Variants in TJP3 observed in about 807,000 individuals in gnomAD.
The protein encoded by TJP3 is tight junction protein 3.
In TJP3, 85 loss-of-function variants were observed where a neutral mutation model predicts 104.2. The ratio of observed to expected loss-of-function variants is 0.82; its 90% CI spans 0.68 to 0.98. The LOEUF is 0.98. Among genes scored for constraint, TJP3 ranks in the 50% least tolerant of loss-of-function variants. The probability of loss-of-function intolerance (pLI) is 0.00; values close to 1 mark genes in which losing one functional copy is unlikely to be tolerated. For synonymous variants in TJP3, 550 were observed against 550.6 expected (o/e 1.00, Z 0.02); for missense variants, 1,367 against 1,322.8 (o/e 1.03, Z -0.52).
At chr19:3,744,236 C>T (rs2036857538) in intron 15 of TJP3, among the ~76,000 whole-genome samples, 1 of 152,202 alleles carries the variant, frequency 6.6e-6, no homozygotes, top group African/African-American at 2.4e-5. Flanking sequence ...TCCTTCTTAA[C>T]ACAGTTCACC....
intron 18 of TJP3, among the ~76,000 whole-genome samples, chr19:3,747,529 C>T (rs935592078): frequency 6.6e-6 from 1 of 152,134 alleles, no homozygotes; most frequent in African/African-American, 2.4e-5. Flanking sequence ...GACTCCTTCT[C>T]ATAAAAAAGA....
At chr19:3,716,231 C>A (rs904303271) in intron 1 of TJP3, among the ~76,000 whole-genome samples, 3 of 147,874 alleles carry the variant, frequency 2.0e-5, no homozygotes, top group Non-Finnish European at 4.6e-5. Context: ...TGTCACTACG[C>A]CCAGCTAATT....
chr19:3,741,829 G>A (rs1165189698), intron 14 of TJP3, among the ~76,000 whole-genome samples: 1 of 150,960 alleles, frequency 6.6e-6, no homozygotes, highest in African/African-American at 2.4e-5. Flanking sequence ...AATTAGCTGG[G>A]CATGGTGGCA....
chr19:3,711,748 A>AAAAAAAAAAAG (rs377487730), intron 1 of TJP3, among the ~76,000 whole-genome samples: 2 of 128,166 alleles, frequency 1.6e-5, no homozygotes, highest in African/African-American at 6.0e-5. Context: ...AAAAAAAAAA[A>AAAAAAAAAAAG]AAAGGTGCTT....
intron 5 of TJP3, among the ~76,000 whole-genome samples, chr19:3,731,459 C>G (rs1225277015): frequency 6.6e-6 from 1 of 151,990 alleles, no homozygotes; most frequent in Admixed American, 6.6e-5. Flanking sequence ...ATGATGAAAC[C>G]CCATCTCTAC....
At chr19:3,718,235 GTGTGTGTGTGTGTGTGTGTGTC>G (rs1248413918) in intron 1 of TJP3, among the ~76,000 whole-genome samples, 1,416 of 129,532 alleles carry the variant, frequency 0.011, 48 homozygotes, top group African/African-American at 0.039. Context: ...GTGTGTGTGT[GTGTGTGTGTGTGTGTGTGTGTC>G]TGTGTGTGTG....
Position 3,746,341 on chromosome 19 carries a change from A to G in TJP3, c.2011-144A>G. ...CCAAGATGCTGCGACCTGGGCTGTT[A>G]CCACCCCCATCCCCAACTTGCTAGC... On this transcript the variant is annotated intron_variant, in intron 16 of 20. Transcript: ENST00000541714. This position sits in a 1 kb window ranked among gnomAD's most constrained non-coding sequence, Gnocchi z 4.1. 2.2e-6 allele frequency: 2 copies of G among 918,436 alleles called. No homozygotes were observed. The highest frequency in any genetic ancestry group is 3.3e-6 in the Non-Finnish European group (2 of 612,632). The allele number at this position is 918,436 out of a possible 1,614,324, so 56.9% of individuals were successfully genotyped here. A position where few individuals can be genotyped will look rare whatever the true frequency, so the allele number is the denominator to read the frequency against.
chr19:3,717,287 C>G (rs1379685720), intron 1 of TJP3, among the ~76,000 whole-genome samples: 25 of 139,140 alleles, frequency 1.8e-4, no homozygotes, highest in Non-Finnish European at 3.0e-4. Context: ...ATTTTTAGTA[C>G]AGACAGAGTT....
chr19:3,713,162 C>T (rs931368258), intron 1 of TJP3, among the ~76,000 whole-genome samples: 4 of 152,166 alleles, frequency 2.6e-5, no homozygotes, highest in Non-Finnish European at 4.4e-5. Flanking sequence ...AGGGCTGAGC[C>T]GGCCACACCT....
chr19:3,738,286 A>C (rs1021879210), intron 11 of TJP3, among the ~76,000 whole-genome samples: 3 of 152,186 alleles, frequency 2.0e-5, no homozygotes, highest in Admixed American at 6.6e-5. Context: ...ACCCACCATG[A>C]TTTGGTTATC....
At chr19:3,735,338 T>C (rs180926202) in intron 8 of TJP3, among the ~76,000 whole-genome samples, 2 of 152,086 alleles carry the variant, frequency 1.3e-5, no homozygotes, top group East Asian at 3.9e-4. Context: ...TAGCTGGGAT[T>C]ACAGGCGCCC....
At chr19:3,726,943 C>T (rs542086759) in intron 1 of TJP3, among the ~76,000 whole-genome samples, 7 of 151,464 alleles carry the variant, frequency 4.6e-5, no homozygotes, top group Admixed American at 2.6e-4. Flanking sequence ...AAAAATTAGC[C>T]GGGCATCGTG....
intron 19 of TJP3, among the ~76,000 whole-genome samples, chr19:3,749,221 G>A (rs2036955287): frequency 1.3e-5 from 2 of 152,210 alleles, no homozygotes; most frequent in South Asian, 4.1e-4. Context: ...TAGGACACAG[G>A]GTGGATGGTA....
At position 3,733,931 on chromosome 19, in the gene TJP3, G is replaced by C. The variant is rs2036704241; in HGVS notation, c.877+19G>C. ...TTGGAGGGTGAGGACCTAGAGGTTA[G>C]GACCTGGGAGGGGGTTGAATGGATG... On this transcript the variant is annotated intron_variant, in intron 7 of 20. Coordinates refer to ENST00000541714, the MANE Select transcript of TJP3 (RefSeq NM_001267560.2). 3 of 1,610,746 alleles carry C rather than the reference G, an allele frequency of 1.9e-6. No individual in the cohort carries two copies. Among genetic ancestry groups the C allele is most frequent in the African/African-American group, 1.3e-5 (1 of 75,004 alleles).
intron 1 of TJP3, among the ~76,000 whole-genome samples, chr19:3,718,456 T>G (rs10422882): frequency 1.6e-3 from 219 of 135,040 alleles, no homozygotes; most frequent in African/African-American, 5.3e-3. Flanking sequence ...TTTCTTGCGG[T>G]TTTTTTTTTT....
intron 1 of TJP3, among the ~76,000 whole-genome samples, chr19:3,711,748 A>AAAAAAAAAAAAAAAAAAG (rs377487730): frequency 7.8e-6 from 1 of 128,166 alleles, no homozygotes; most frequent in Admixed American, 8.4e-5. Context: ...AAAAAAAAAA[A>AAAAAAAAAAAAAAAAAAG]AAAGGTGCTT....
chr19:3,714,544 A>T (rs1164390682), intron 1 of TJP3, among the ~76,000 whole-genome samples: 1 of 152,092 alleles, frequency 6.6e-6, no homozygotes, highest in African/African-American at 2.4e-5. Flanking sequence ...GAACTGATTG[A>T]CAGACACAGT....
intron 1 of TJP3, among the ~76,000 whole-genome samples, chr19:3,718,502 T>C (rs1159011834): frequency 6.7e-6 from 1 of 150,016 alleles, no homozygotes; most frequent in Non-Finnish European, 1.5e-5. Flanking sequence ...AGGGCCTCAC[T>C]CTGTGGCCCA....
At chr19:3,723,519 T>C (rs2036564418) in intron 1 of TJP3, among the ~76,000 whole-genome samples, 1 of 152,026 alleles carries the variant, frequency 6.6e-6, no homozygotes. Context: ...AGGCTGGGCG[T>C]GGTGGCTCAC....
Sources: allele counts gnomAD v4.1 joint callset (sites outside exome capture counted in the v4.1 genomes callset), GRCh38; gene constraint gnomAD v4.1.1; non-coding constraint Gnocchi (gnomAD v3.1); transcripts MANE v1.5; gene names NCBI Gene and HGNC (gene_info 2026-07-23, HGNC 2026-07-21).